CNGB3: variants seen among roughly 807,000 people sequenced by gnomAD.
CNGB3 encodes cyclic nucleotide-gated channel beta-3.
Under a neutral mutation model 92.8 loss-of-function variants are expected in CNGB3, and 86 were observed. The observed-to-expected ratio is 0.93, with a 90% CI of 0.78 to 1.11. CNGB3 has a LOEUF of 1.11. Among genes scored for constraint, CNGB3 ranks in the 50% least tolerant of loss-of-function variants. The pLI, the probability that CNGB3 is intolerant of heterozygous loss-of-function variation, is 0.00. For missense variants in CNGB3, 1,026 were observed against 956.8 expected, an observed-to-expected ratio of 1.07 and a Z score of -0.95; for synonymous variants, 333 against 332.7, an observed-to-expected ratio of 1.00 and a Z score of -0.01.
At chr8:86,715,582 C>T (rs1824836806) in intron 3 of CNGB3, among the ~76,000 whole-genome samples, 2 of 151,900 alleles carry the variant, frequency 1.3e-5, no homozygotes, top group South Asian at 4.2e-4. Context: ...CTGAAATAGT[C>T]TACGCAAATG....
At chr8:86,713,208 G>C (rs1007218084) in intron 3 of CNGB3, among the ~76,000 whole-genome samples, 1 of 152,056 alleles carries the variant, frequency 6.6e-6, no homozygotes, top group Non-Finnish European at 1.5e-5. Flanking sequence ...ATAGTGGTTA[G>C]AGAATATATT....
At position 86,674,999 on chromosome 8, in the gene CNGB3, C is replaced by T. The variant is rs144583984; in HGVS notation, c.339-3901G>A. Among the ~76,000 whole-genome samples the T allele has an allele frequency of 3.2e-3, 479 of 151,978 alleles. 2 individuals are homozygous for T. Among genetic ancestry groups the T allele is most frequent in the African/African-American group, 0.011 (461 of 41,414 alleles). On this transcript the variant is annotated intron_variant, in intron 3 of 17. Transcript: ENST00000320005. ...GTTGAGACAGGGTCTTGCTCTGTCA[C>T]CCAGGCTGGAAAGCAGTGGTGCAAT...
At chr8:86,635,821 G>GATATATATATAT (rs57486853) in intron 10 of CNGB3, among the ~76,000 whole-genome samples, 5 of 60,590 alleles carry the variant, frequency 8.3e-5, no homozygotes, top group African/African-American at 1.3e-4. Flanking sequence ...TATAACACAT[G>GATATATATATAT]ATATATATAT....
rs1274378460 is a variant in CNGB3 at position 86,743,480 on chromosome 8, A to G, written c.129+19T>C. ...AAATGATGAAAATCAAGGCTTGCAT[A>G]GGAATGTAGAGGACATACCTGTGCT... On this transcript the variant is annotated intron_variant, in intron 1 of 17. Transcript: ENST00000320005. 3.1e-6 allele frequency: 5 copies of G among 1,613,746 alleles called. No homozygotes were observed. The African/African-American group carries it at 5.3e-5, about 17-fold the overall frequency.
At position 86,587,365 on chromosome 8, in the gene CNGB3, T is replaced by G. The variant is rs370628682; in HGVS notation, c.1782-8113A>C. 6.6e-5 allele frequency among the ~76,000 whole-genome samples: 10 copies of G among 152,198 alleles called. 1 individual carries two copies. The highest frequency in any genetic ancestry group is 7.4e-5 in the Non-Finnish European group (5 of 67,976). On this transcript the variant is annotated intron_variant, in intron 15 of 17. Transcript: ENST00000320005. ...AATTAGATCCCATTTGTCAATTTTG[T>G]CTTTTGTTGCCATTGCTTTTGGTGT... is the stretch of plus-strand genomic sequence containing the variant.
At chr8:86,661,667 A>G (rs1449155039) in intron 6 of CNGB3, 2 of 935,718 alleles carry the variant, frequency 2.1e-6, no homozygotes. Context: ...ATCTCCAGCC[A>G]TCTCTTCTTC....
chr8:86,724,162 T>C (rs185313327), intron 3 of CNGB3, among the ~76,000 whole-genome samples: 1 of 152,198 alleles, frequency 6.6e-6, no homozygotes, highest in Non-Finnish European at 1.5e-5. Context: ...AACCTGCATA[T>C]GTACCCATGA....
At chr8:86,653,079 T>G (rs1271147494) in intron 7 of CNGB3, among the ~76,000 whole-genome samples, 2 of 152,108 alleles carry the variant, frequency 1.3e-5, no homozygotes, top group African/African-American at 2.4e-5. Context: ...TTCGGCTCCC[T>G]TATAATCTTA....
At position 86,585,196 on chromosome 8, in the gene CNGB3, G is replaced by A. The variant is rs564067825; in HGVS notation, c.1782-5944C>T. On this transcript the variant is annotated intron_variant, in intron 15 of 17. Coordinates refer to ENST00000320005, the MANE Select transcript of CNGB3 (RefSeq NM_019098.5). ...GGACTGTGTAAGATAACTTGTATAT[G>A]CAAAACTCAGTAAATGTGAGGAACA... Among the ~76,000 whole-genome samples the A allele has an allele frequency of 2.3e-4, 35 of 152,110 alleles. No individual in the cohort carries two copies. In the East Asian group the frequency reaches 6.6e-3, roughly 29 times the overall value.
chr8:86,634,227 C>T (rs1430637983), intron 10 of CNGB3, among the ~76,000 whole-genome samples: 1 of 152,134 alleles, frequency 6.6e-6, no homozygotes, highest in East Asian at 1.9e-4. Context: ...TACAACCATT[C>T]TGCTTTTCAC....
chr8:86,588,156 T>A (rs1821936576), intron 15 of CNGB3, among the ~76,000 whole-genome samples: 1 of 146,980 alleles, frequency 6.8e-6, no homozygotes, highest in Non-Finnish European at 1.5e-5. Flanking sequence ...TGTTGGTGTA[T>A]AGGAATGCTT....
chr8:86,585,327 A>G (rs1407895388), intron 15 of CNGB3, among the ~76,000 whole-genome samples: 1 of 151,558 alleles, frequency 6.6e-6, no homozygotes, highest in African/African-American at 2.4e-5. Context: ...ATATATATAT[A>G]TTTATATATT....
intron 3 of CNGB3, among the ~76,000 whole-genome samples, chr8:86,676,034 A>G (rs1186256429): frequency 6.6e-6 from 1 of 152,106 alleles, no homozygotes; most frequent in Non-Finnish European, 1.5e-5. Context: ...GAAGATAGGA[A>G]AGAAAAACAC....
At chr8:86,588,881 T>C (rs1382973859) in intron 15 of CNGB3, among the ~76,000 whole-genome samples, 1 of 151,816 alleles carries the variant, frequency 6.6e-6, no homozygotes, top group Non-Finnish European at 1.5e-5. Context: ...TTCCCTCTTT[T>C]TCTATTGATT....
chr8:86,643,798 A>G lies in CNGB3; in HGVS notation c.1131T>C (p.Tyr377=), dbSNP rs1380940215. 1 of 1,606,822 alleles carries G rather than the reference A, an allele frequency of 6.2e-7. No individual in the cohort carries two copies. Among genetic ancestry groups the G allele is most frequent in the African/African-American group, 1.4e-5 (1 of 73,968 alleles). The change falls in exon 10 of 18, where the codon TAT becomes TAC. Residue 377 remains tyrosine (Y), a synonymous_variant. Transcript: ENST00000320005. ...CCCATCTAGTAGTGCCAATTCCTTC[A>G]TAGTTTGAAGCCCAGTAATAAACAC... ...NACVYYWASN[Y]EGIGTTRWVY... is the part of the protein sequence containing the mutation.
chr8:86,641,576 C>T (rs1439792493), intron 10 of CNGB3, among the ~76,000 whole-genome samples: 1 of 151,840 alleles, frequency 6.6e-6, no homozygotes, highest in East Asian at 1.9e-4. Flanking sequence ...CCAAAACTGC[C>T]ACTCCTTATC....
chr8:86,646,191 G>T (rs1380651255), intron 8 of CNGB3, among the ~76,000 whole-genome samples: 3 of 151,052 alleles, frequency 2.0e-5, no homozygotes, highest in Non-Finnish European at 3.0e-5. Flanking sequence ...TTCCATGTGA[G>T]ACTGAAAATT....
chr8:86,587,478 G>A (rs1281982798), intron 15 of CNGB3, among the ~76,000 whole-genome samples: 4 of 152,116 alleles, frequency 2.6e-5, no homozygotes, highest in Non-Finnish European at 5.9e-5. Context: ...TAGGTCTAAC[G>A]TTTAAGTCTT....
intron 3 of CNGB3, chr8:86,704,552 C>T (rs1380735954): frequency 1.3e-5 from 2 of 152,160 alleles, no homozygotes; most frequent in Non-Finnish European, 2.9e-5. Context: ...TAAGGCAATG[C>T]TCTGAAGGAC....
Sources: gnomAD v4.1 joint callset for allele counts (sites outside exome capture counted in the v4.1 genomes callset) on GRCh38, gnomAD v4.1.1 for gene constraint, MANE v1.5 for transcripts, NCBI Gene and HGNC (gene_info 2026-07-23, HGNC 2026-07-21) for gene names.